UBE2E2: variants seen among roughly 807,000 people sequenced by gnomAD.
The protein encoded by UBE2E2 is ubiquitin-conjugating enzyme E2 E2.
In UBE2E2, 6 loss-of-function variants were observed where a neutral mutation model predicts 24.7. The ratio of observed to expected loss-of-function variants is 0.24; its 90% CI spans 0.13 to 0.48. UBE2E2 has a LOEUF of 0.48. UBE2E2 is among the 20% of genes least tolerant of loss of function. UBE2E2 has a pLI of 0.99. For missense variants in UBE2E2, 169 were observed against 245.0 expected (o/e 0.69, Z 2.07); for synonymous variants, 104 against 83.6 (o/e 1.24, Z -1.33).
chr3:23,459,712 G>C (rs1310494168), intron 3 of UBE2E2, among the ~76,000 whole-genome samples: 1 of 152,166 alleles, frequency 6.6e-6, no homozygotes, highest in Non-Finnish European at 1.5e-5. Flanking sequence ...AGTTGTTATG[G>C]AAGTTTCTGG....
At chr3:23,331,615 G>T (rs951719764) in intron 3 of UBE2E2, among the ~76,000 whole-genome samples, 30 of 152,044 alleles carry the variant, frequency 2.0e-4, no homozygotes, top group African/African-American at 7.2e-4. Context: ...GTGCTAATTT[G>T]TCTGGTAGAA....
chr3:23,387,535 A>G (rs1348116629), intron 3 of UBE2E2, among the ~76,000 whole-genome samples: 2 of 152,206 alleles, frequency 1.3e-5, no homozygotes, highest in Non-Finnish European at 2.9e-5. Flanking sequence ...GTGAAATGAC[A>G]TATCAGAAAA....
At chr3:23,446,624 C>A (rs1698434333) in intron 3 of UBE2E2, among the ~76,000 whole-genome samples, 1 of 151,356 alleles carries the variant, frequency 6.6e-6, no homozygotes, top group African/African-American at 2.4e-5. Context: ...CAAATTGATA[C>A]CATATCTGGC....
intron 5 of UBE2E2, among the ~76,000 whole-genome samples, chr3:23,543,870 C>T (rs998443347): frequency 6.6e-6 from 1 of 152,088 alleles, no homozygotes; most frequent in Non-Finnish European, 1.5e-5. Flanking sequence ...AAAGTAGATA[C>T]ATAAACCAAT....
chr3:23,452,296 T>C (rs1193868079), intron 3 of UBE2E2, among the ~76,000 whole-genome samples: 1 of 152,204 alleles, frequency 6.6e-6, no homozygotes, highest in Non-Finnish European at 1.5e-5. Flanking sequence ...AGTAGGAAGT[T>C]CTTTAAGAAA....
intron 3 of UBE2E2, among the ~76,000 whole-genome samples, chr3:23,325,935 C>T (rs1322173952): frequency 4.6e-5 from 7 of 152,158 alleles, no homozygotes; most frequent in Non-Finnish European, 1.0e-4. Context: ...GGGGAAAGAA[C>T]AAATATTTTT....
At chr3:23,554,540 G>A (rs1695727502) in intron 5 of UBE2E2, among the ~76,000 whole-genome samples, 1 of 152,018 alleles carries the variant, frequency 6.6e-6, no homozygotes, top group Non-Finnish European at 1.5e-5. Flanking sequence ...GAATGAAATT[G>A]GACCTTTATC....
chr3:23,535,784 G>A lies in UBE2E2; in HGVS notation c.508+3083G>A, dbSNP rs1038935777. Among the ~76,000 whole-genome samples, 15 of 151,998 alleles carry A rather than the reference G, an allele frequency of 9.9e-5. No homozygotes were observed. In the East Asian group the frequency reaches 2.9e-3, roughly 29 times the overall value. Reference sequence around the variant, plus strand: ...TCTACAGGCCCCACCACCATGCCTGGCTAATTTTTTGTATTTTTAGTAGAG... The same window carrying A: ...TCTACAGGCCCCACCACCATGCCTGACTAATTTTTTGTATTTTTAGTAGAG... On this transcript the variant is annotated intron_variant, in intron 5 of 5. Transcript: ENST00000396703.
chr3:23,536,440 T>C (rs1695265864), intron 5 of UBE2E2, among the ~76,000 whole-genome samples: 1 of 152,244 alleles, frequency 6.6e-6, no homozygotes, highest in Non-Finnish European at 1.5e-5. Context: ...TCATTTCTAT[T>C]TGTCTGCTCT....
intron 5 of UBE2E2, among the ~76,000 whole-genome samples, chr3:23,557,620 A>G (rs1397779798): frequency 6.6e-6 from 1 of 152,200 alleles, no homozygotes; most frequent in Non-Finnish European, 1.5e-5. Context: ...TGCAAACTCT[A>G]CACAAACAGT....
In UBE2E2 at chr3:23,208,869, C is replaced by T. The variant is rs764469426; in HGVS notation, c.170C>T (p.Ala57Val). The T allele has an allele frequency of 6.2e-7, 1 of 1,610,112 alleles. No individual in the cohort carries two copies. The highest frequency in any genetic ancestry group is 8.5e-7 in the Non-Finnish European group (1 of 1,178,222). Residue 57 changes from alanine (A) to valine (V), a missense_variant, in exon 2 of 6, where the codon GCT becomes GTT. Transcript: ENST00000396703. Reference protein sequence around the residue: ...SKTAAKLSTSAKRIQKELAEI... With the variant: ...SKTAAKLSTSVKRIQKELAEI... ...ACCGCTGCTAAATTGTCAACTAGTG[C>T]TAAAAGGTACTTCAGTTATTATAAC...
At chr3:23,254,740 C>CTA (rs1399205236) in intron 3 of UBE2E2, among the ~76,000 whole-genome samples, 1 of 151,874 alleles carries the variant, frequency 6.6e-6, no homozygotes, top group East Asian at 1.9e-4. Flanking sequence ...GAAGGACTTG[C>CTA]TATAGGAGGC....
chr3:23,335,153 T>G (rs1272110926), intron 3 of UBE2E2, among the ~76,000 whole-genome samples: 1 of 152,186 alleles, frequency 6.6e-6, no homozygotes. Context: ...GTCTCAAATA[T>G]ATTTCCTTAA....
intron 3 of UBE2E2, among the ~76,000 whole-genome samples, chr3:23,450,374 A>T (rs1441242686): frequency 6.6e-6 from 1 of 152,094 alleles, no homozygotes; most frequent in African/African-American, 2.4e-5. Context: ...GAAGAATTTA[A>T]TTTTAATTAA....
chr3:23,579,266 T>G (rs1696414630), intron 5 of UBE2E2, among the ~76,000 whole-genome samples: 1 of 151,910 alleles, frequency 6.6e-6, no homozygotes, highest in Non-Finnish European at 1.5e-5. Flanking sequence ...GTGCCTGTAG[T>G]TCCAGCTGCT....
chr3:23,383,902 A>G (rs751902208), intron 3 of UBE2E2, among the ~76,000 whole-genome samples: 7 of 152,116 alleles, frequency 4.6e-5, no homozygotes, highest in Non-Finnish European at 7.4e-5. Flanking sequence ...TAAAAAAAAA[A>G]AAGGAAAAAT....
At chr3:23,585,370 C>CAAAA (rs71620785) in intron 5 of UBE2E2, among the ~76,000 whole-genome samples, 66 of 86,112 alleles carry the variant, frequency 7.7e-4, no homozygotes, top group African/African-American at 2.9e-3. Flanking sequence ...GACCCTGTCT[C>CAAAA]AAAAAAAAAA....
intron 3 of UBE2E2, among the ~76,000 whole-genome samples, chr3:23,491,375 T>G (rs1699491292): frequency 6.6e-6 from 1 of 152,202 alleles, no homozygotes; most frequent in Non-Finnish European, 1.5e-5. Flanking sequence ...TCCCCCAAAA[T>G]TAGAGGCCTA....
chr3:23,416,236 C>T lies in UBE2E2; in HGVS notation c.228-83372C>T, dbSNP rs369432717. Among the ~76,000 whole-genome samples, 39 of 152,276 alleles carry T rather than the reference C, an allele frequency of 2.6e-4. 2 individuals are homozygous for T. In the South Asian group the frequency reaches 7.9e-3, roughly 31 times the overall value. On this transcript the variant is annotated intron_variant, in intron 3 of 5. Coordinates refer to ENST00000396703, the MANE Select transcript of UBE2E2 (RefSeq NM_152653.4). ...GCATGTGTCTTATAGTAGAATGATT[C>T]ATAATCCTGGTGGTGACAAAATCTC...
Sources: allele counts gnomAD v4.1 joint callset (sites outside exome capture counted in the v4.1 genomes callset), GRCh38; gene constraint gnomAD v4.1.1; transcripts MANE v1.5; gene names NCBI Gene and HGNC (gene_info 2026-07-23, HGNC 2026-07-21).